KIF2C: variants seen among roughly 807,000 people sequenced by gnomAD.
The protein encoded by KIF2C is kinesin family member 2C.
A neutral mutation model predicts 97.4 loss-of-function variants in KIF2C; 34 were observed. The ratio of observed to expected loss-of-function variants is 0.35; its 90% confidence interval spans 0.27 to 0.46. KIF2C has a LOEUF of 0.46. Among genes scored for constraint, KIF2C ranks in the 20% least tolerant of loss-of-function variants. The probability of loss-of-function intolerance (pLI) is 1.00; values close to 1 mark genes in which losing one functional copy is unlikely to be tolerated. For missense variants in KIF2C, 750 were observed against 907.6 expected (o/e 0.83, Z 2.23); for synonymous variants, 313 against 318.2 (o/e 0.98, Z 0.17).
chr1:44,746,635 A>G (rs1346439059), intron 2 of KIF2C: 3 of 1,505,998 alleles, frequency 2.0e-6, no homozygotes, highest in Non-Finnish European at 2.7e-6. Flanking sequence ...AGGGGAGCCA[A>G]GTGGCCTAGA....
chr1:44,745,352 A>G (rs1482836101), intron 2 of KIF2C, among the ~76,000 whole-genome samples: 3 of 138,678 alleles, frequency 2.2e-5, no homozygotes, highest in Admixed American at 1.5e-4. Context: ...TAGTGATTCT[A>G]TCCTCCTTTT....
In KIF2C at chr1:44,756,124, C is replaced by T; in HGVS notation, c.864C>T (p.Leu288=). The change falls in exon 10 of 21, where the codon CTC becomes CTT. Residue 288 remains leucine (L), a synonymous_variant. Coordinates refer to ENST00000372224, the MANE Select transcript of KIF2C (RefSeq NM_006845.4). ...IDVISIPSKC[L]LLVHEPKLKV... ...TGATTTCCATTCCTAGCAAGTGTCT[C>T]CTCTTGGTACATGAACCCAAGTTGA... 1 of 1,614,214 alleles carries T rather than the reference C, an allele frequency of 6.2e-7. No individual in the cohort carries two copies. Among genetic ancestry groups the T allele is most frequent in the Non-Finnish European group, 8.5e-7 (1 of 1,180,030 alleles).
rs575947367 is a variant in KIF2C, at chr1:44,760,081, T to C, written c.1368-199T>C. ...CCCTAGTCCAGAATCCAGTACTAAT[T>C]TGGCTGCCAGGAAAATGTATTAGGT... On this transcript the variant is annotated intron_variant, in intron 14 of 20. Coordinates refer to ENST00000372224, the MANE Select transcript of KIF2C (RefSeq NM_006845.4). This position sits in a 1 kb window ranked among gnomAD's most constrained non-coding sequence, Gnocchi z 4.2. 6.6e-6 allele frequency among the ~76,000 whole-genome samples: 1 copy of C among 152,110 alleles called. No homozygotes were observed. The highest frequency in any genetic ancestry group is 2.4e-5 in the African/African-American group (1 of 41,422).
intron 2 of KIF2C, 76 bp downstream of exon 2, chr1:44,741,083 G>C: frequency 8.7e-7 from 1 of 1,153,948 alleles, no homozygotes; most frequent in Admixed American, 1.9e-5. Flanking sequence ...TGGAATCTGT[G>C]AGAGCCTAGT....
chr1:44,749,786 CA>C (rs1355545359), intron 4 of KIF2C, among the ~76,000 whole-genome samples: 2 of 149,764 alleles, frequency 1.3e-5, no homozygotes, highest in Admixed American at 1.3e-4. Context: ...CTCTGTCTCT[CA>C]AAAAAGATGG....
chr1:44,757,531 T>C, intron 10 of KIF2C, 25 bp from the exon 11 acceptor site: 1 of 1,493,540 alleles, frequency 6.7e-7, no homozygotes, highest in Non-Finnish European at 9.3e-7. Flanking sequence ...TGGGAACAGA[T>C]ACAAATACTC....
chr1:44,744,301 T>C (rs977343868), intron 2 of KIF2C, among the ~76,000 whole-genome samples: 1 of 152,078 alleles, frequency 6.6e-6, no homozygotes, highest in Non-Finnish European at 1.5e-5. Context: ...AGAGACAGGG[T>C]TTCCCCATGT....
rs927787234 is a variant in KIF2C at position 44,750,639 on chromosome 1, T to C, written c.439+75T>C. On this transcript the variant is annotated intron_variant, in intron 5 of 20. Coordinates refer to ENST00000372224, the MANE Select transcript of KIF2C (RefSeq NM_006845.4). ...ATTGCTTGGTCCCTGTGCTAGAATA[T>C]CCTGAGATTCATCCATTCCCCCAGC... 5 of 1,344,646 alleles carry C rather than the reference T, an allele frequency of 3.7e-6. No homozygotes were observed. The East Asian group carries it at 1.1e-4, about 29-fold the overall frequency. The allele number at this position is 1,344,646 out of a possible 1,614,324, so 83.3% of individuals were successfully genotyped here.
Position 44,761,028 on chromosome 1 carries a change from G to A in KIF2C, c.1683+326G>A, listed in dbSNP as rs925313784. 1.1e-4 allele frequency: 32 copies of A among 278,800 alleles called. No individual in the cohort carries two copies. The East Asian group carries it at 1.4e-3, about 12-fold the overall frequency. 17.3% of individuals were successfully genotyped at this position (278,800 alleles called of 1,614,324 possible). A position where few individuals can be genotyped will look rare whatever the true frequency, so the allele number is the denominator to read the frequency against. The stretch of plus-strand genomic sequence containing the variant: ...GGGTCAGCAGGAGAGGGAAGTCCTT[G>A]TCTTTTCCATGGCCTCCCTCAGGTT... On this transcript the variant is annotated intron_variant, in intron 16 of 20. Coordinates refer to ENST00000372224, the MANE Select transcript of KIF2C (RefSeq NM_006845.4).
In KIF2C at chr1:44,760,153, C is replaced by T; in HGVS notation, c.1368-127C>T. 1.3e-6 allele frequency: 1 copy of T among 763,988 alleles called. No individual in the cohort carries two copies. The highest frequency in any genetic ancestry group is 1.7e-5 in the South Asian group (1 of 57,546). The allele number at this position is 763,988 out of a possible 1,614,324, so 47.3% of individuals were successfully genotyped here. A position where few individuals can be genotyped will look rare whatever the true frequency, so the allele number is the denominator to read the frequency against. Reference sequence around the variant, plus strand: ...CTACCCAGGGAGGGCAAGATGGAAGCCTGGGACAGGAAAACAGGACTTTTT... The same window carrying T: ...CTACCCAGGGAGGGCAAGATGGAAGTCTGGGACAGGAAAACAGGACTTTTT... On this transcript the variant is annotated intron_variant, in intron 14 of 20. Transcript: ENST00000372224. This position sits in a 1 kb window ranked among gnomAD's most constrained non-coding sequence, Gnocchi z 4.2.
chr1:44,755,767 T>C (rs927803104), intron 8 of KIF2C, among the ~76,000 whole-genome samples, 162 bp from the exon 9 acceptor site: 1 of 152,190 alleles, frequency 6.6e-6, no homozygotes, highest in African/African-American at 2.4e-5. Context: ...TCCCTTCTTG[T>C]GCTCTGGAGT....
chr1:44,764,846 G>A (rs777351298), intron 19 of KIF2C, among the ~76,000 whole-genome samples: 2 of 152,234 alleles, frequency 1.3e-5, no homozygotes, highest in Non-Finnish European at 2.9e-5. Flanking sequence ...TTGACCGGGC[G>A]CAATGGCTCA....
chr1:44,751,236 C>A (rs1413019752), intron 5 of KIF2C, among the ~76,000 whole-genome samples: 1 of 152,068 alleles, frequency 6.6e-6, no homozygotes, highest in Admixed American at 6.6e-5. Context: ...ACTCTTGTCA[C>A]CCAGGCTGGA....
At chr1:44,766,057 AAAAT>A (rs953635140) in intron 19 of KIF2C, among the ~76,000 whole-genome samples, 4 of 151,372 alleles carry the variant, frequency 2.6e-5, no homozygotes, top group Non-Finnish European at 4.4e-5. Context: ...TCTTAAAGAA[AAAAT>A]AAATAAATAA....
At chr1:44,747,559 TTGTC>T (rs1649275528) in intron 3 of KIF2C, 74 bp downstream of exon 3, 1 of 1,567,780 alleles carries the variant, frequency 6.4e-7, no homozygotes, top group Non-Finnish European at 8.7e-7. Flanking sequence ...TGCTGATTGA[TTGTC>T]TGGCATTTTA....
At chr1:44,743,557 G>A (rs1035884934) in intron 2 of KIF2C, among the ~76,000 whole-genome samples, 6 of 152,198 alleles carry the variant, frequency 3.9e-5, no homozygotes, top group African/African-American at 1.4e-4. Context: ...GGGAGGCTGA[G>A]GCAGGAGGAC....
intron 2 of KIF2C, among the ~76,000 whole-genome samples, chr1:44,741,896 G>A (rs1648951887): frequency 6.6e-6 from 1 of 151,162 alleles, no homozygotes; most frequent in Non-Finnish European, 1.5e-5. Context: ...TGGAGGCTGA[G>A]GCTGGAGAAT....
intron 19 of KIF2C, among the ~76,000 whole-genome samples, chr1:44,764,121 T>C (rs1225813922): frequency 6.6e-6 from 1 of 152,150 alleles, no homozygotes; most frequent in African/African-American, 2.4e-5. Flanking sequence ...ATGAACCATT[T>C]AGATATACAA....
At chr1:44,759,724 C>T (rs1650040890) in intron 14 of KIF2C, among the ~76,000 whole-genome samples, 1 of 152,164 alleles carries the variant, frequency 6.6e-6, no homozygotes, top group Non-Finnish European at 1.5e-5. Context: ...AAAGTGTTAC[C>T]CCAAAGGCAT....
Sources: allele counts gnomAD v4.1 joint callset (sites outside exome capture counted in the v4.1 genomes callset), GRCh38; gene constraint gnomAD v4.1.1; non-coding constraint Gnocchi (gnomAD v3.1); transcripts MANE v1.5; gene names NCBI Gene and HGNC (gene_info 2026-07-23, HGNC 2026-07-21).